The following ADAMTSL1 variants were observed in gnomAD, a reference collection of about 807,000 sequenced individuals.
ADAMTSL1 encodes ADAMTS like 1, also known as ADAMTS-like protein 1.
Under a neutral mutation model 201.8 loss-of-function variants are expected in ADAMTSL1, and 126 were observed. That is an observed-to-expected ratio of 0.62 (90% CI 0.54 to 0.72). The LOEUF is 0.72. ADAMTSL1 is among the 30% of genes least tolerant of loss of function. The probability of loss-of-function intolerance (pLI) is 0.00; values close to 1 mark genes in which losing one functional copy is unlikely to be tolerated. For missense variants in ADAMTSL1, 2,679 were observed against 2,277.8 expected, an observed-to-expected ratio of 1.18 and a Z score of -3.59; for synonymous variants, 1,121 against 903.4, an observed-to-expected ratio of 1.24 and a Z score of -4.32.
chr9:18,512,736 T>C (rs1287188624), intron 2 of ADAMTSL1, among the ~76,000 whole-genome samples: 1 of 152,210 alleles, frequency 6.6e-6, no homozygotes, highest in Admixed American at 6.5e-5. Context: ...AAAAATATTT[T>C]ATATGTATTG....
At chr9:18,841,112 GCCAGTTTTCAAAGGGAATGCTT>G (rs997692761) in intron 23 of ADAMTSL1, among the ~76,000 whole-genome samples, 2 of 151,024 alleles carry the variant, frequency 1.3e-5, no homozygotes, top group African/African-American at 2.4e-5. Flanking sequence ...CCTGTCTTGT[GCCAGTTTTCAAAGGGAATGCTT>G]CCAGTTTTTG....
At chr9:18,181,729 C>G (rs1445295530) in intron 2 of ADAMTSL1, among the ~76,000 whole-genome samples, 3 of 151,770 alleles carry the variant, frequency 2.0e-5, no homozygotes, top group South Asian at 2.1e-4. Context: ...GTCAGTGTGG[C>G]GATTCCTCAG....
chr9:18,551,548 T>G (rs1427659361), intron 3 of ADAMTSL1, among the ~76,000 whole-genome samples: 2 of 23,774 alleles, frequency 8.4e-5, no homozygotes, highest in African/African-American at 3.7e-4. Context: ...ACCGCTGAAT[T>G]TTTTTTTTTT....
At chr9:18,391,690 C>T (rs899777327) in intron 2 of ADAMTSL1, among the ~76,000 whole-genome samples, 1 of 152,000 alleles carries the variant, frequency 6.6e-6, no homozygotes, top group Non-Finnish European at 1.5e-5. Context: ...TCCTGAAAAC[C>T]AATTTTCTTT....
intron 10 of ADAMTSL1, 61 bp downstream of exon 10, chr9:18,675,968 T>C: frequency 7.1e-7 from 1 of 1,414,274 alleles, no homozygotes; most frequent in Non-Finnish European, 1.0e-6. Context: ...TGCTTATCTA[T>C]ATATATAGAG....
intron 2 of ADAMTSL1, among the ~76,000 whole-genome samples, chr9:18,395,253 A>C (rs1055232810): frequency 1.3e-5 from 2 of 152,114 alleles, no homozygotes; most frequent in Non-Finnish European, 2.9e-5. Context: ...GTCTGAATTT[A>C]CTCTGGTTTT....
intron 1 of ADAMTSL1, among the ~76,000 whole-genome samples, chr9:17,941,664 C>A (rs966386697): frequency 2.6e-5 from 4 of 152,020 alleles, no homozygotes; most frequent in Non-Finnish European, 4.4e-5. Flanking sequence ...ACTTAATAAC[C>A]AGTGTAGTCA....
chr9:18,468,556 C>T (rs138494592), intron 2 of ADAMTSL1, among the ~76,000 whole-genome samples: 196 of 152,178 alleles, frequency 1.3e-3, no homozygotes, highest in African/African-American at 4.4e-3. Flanking sequence ...AACTGCCTGA[C>T]GGTGGTGAAC....
chr9:18,637,221 C>G (rs910526319), intron 6 of ADAMTSL1, among the ~76,000 whole-genome samples: 4 of 152,104 alleles, frequency 2.6e-5, no homozygotes, highest in African/African-American at 7.2e-5. Flanking sequence ...CTGTAAAATA[C>G]AGTGTTCACA....
At chr9:18,305,944 C>G (rs907911824) in intron 2 of ADAMTSL1, among the ~76,000 whole-genome samples, 3 of 152,140 alleles carry the variant, frequency 2.0e-5, no homozygotes, top group African/African-American at 7.2e-5. Context: ...CAATAGACAC[C>G]TCATACAGGA....
intron 2 of ADAMTSL1, among the ~76,000 whole-genome samples, chr9:18,168,050 A>T: frequency 6.6e-6 from 1 of 152,010 alleles, no homozygotes; most frequent in Non-Finnish European, 1.5e-5. Context: ...AAATGTACAC[A>T]TGCTCTAAAT....
At chr9:18,261,857 T>C (rs777037204) in intron 2 of ADAMTSL1, among the ~76,000 whole-genome samples, 13 of 152,110 alleles carry the variant, frequency 8.5e-5, no homozygotes, top group Non-Finnish European at 1.3e-4. Context: ...TATGGAAAAA[T>C]ATTCTTTGTG....
In ADAMTSL1 at chr9:18,707,060, G is replaced by T. The variant is rs1832274783; in HGVS notation, c.1876+12G>T. 6.2e-7 allele frequency: 1 copy of T among 1,606,878 alleles called. No homozygotes were observed. Among genetic ancestry groups the T allele is most frequent in the Admixed American group, 1.7e-5 (1 of 59,672 alleles). On this transcript the variant is annotated intron_variant, in intron 14 of 28. Coordinates refer to ENST00000380548, the MANE Select transcript of ADAMTSL1 (RefSeq NM_001040272.6). ...GTCCTGTGGAGGAGGTAAGAAAGGGGGCTCTGGCTCAGATCCCCGCCATCT... is the reference window on the plus strand; with the variant it reads ...GTCCTGTGGAGGAGGTAAGAAAGGGTGCTCTGGCTCAGATCCCCGCCATCT...
chr9:18,142,333 T>C (rs1826436905), intron 1 of ADAMTSL1, among the ~76,000 whole-genome samples: 2 of 152,212 alleles, frequency 1.3e-5, no homozygotes, highest in African/African-American at 4.8e-5. Flanking sequence ...TCTTGCTGTC[T>C]TTGTCTGTGC....
intron 1 of ADAMTSL1, among the ~76,000 whole-genome samples, chr9:18,089,808 G>A (rs1289332105): frequency 6.6e-6 from 1 of 152,140 alleles, no homozygotes; most frequent in Non-Finnish European, 1.5e-5. Context: ...GTCACGCAAT[G>A]TGATAAGCTC....
chr9:18,375,267 A>G (rs1837236552), intron 2 of ADAMTSL1, among the ~76,000 whole-genome samples: 1 of 152,180 alleles, frequency 6.6e-6, no homozygotes, highest in East Asian at 1.9e-4. Flanking sequence ...AGAGCCAGTC[A>G]TTGTTTTTCT....
intron 3 of ADAMTSL1, among the ~76,000 whole-genome samples, chr9:18,565,921 G>A (rs554353845): frequency 3.2e-4 from 48 of 152,246 alleles, no homozygotes; most frequent in African/African-American, 6.3e-4. Context: ...TTTATAGTGC[G>A]TGCTTACAAC....
chr9:18,443,051 C>T (rs943266199), intron 2 of ADAMTSL1, among the ~76,000 whole-genome samples: 1 of 152,136 alleles, frequency 6.6e-6, no homozygotes, highest in Admixed American at 6.5e-5. Flanking sequence ...TTTGCCATTG[C>T]CACTGACATC....
At chr9:18,066,587 T>C (rs1194510610) in intron 1 of ADAMTSL1, among the ~76,000 whole-genome samples, 1 of 152,234 alleles carries the variant, frequency 6.6e-6, no homozygotes, top group Non-Finnish European at 1.5e-5. Flanking sequence ...AAATTGCTAT[T>C]CTCATTTAGG....
Sources: allele counts gnomAD v4.1 joint callset (sites outside exome capture counted in the v4.1 genomes callset), GRCh38; gene constraint gnomAD v4.1.1; transcripts MANE v1.5; gene names NCBI Gene and HGNC (gene_info 2026-07-23, HGNC 2026-07-21).